AAGAB: variants seen among roughly 807,000 people sequenced by gnomAD.
The protein encoded by AAGAB is alpha- and gamma-adaptin-binding protein p34.
AAGAB carries 38 observed loss-of-function variants against 44.1 expected under a neutral mutation model. The ratio of observed to expected loss-of-function variants is 0.86; its 90% CI spans 0.67 to 1.13. The LOEUF (loss-of-function observed/expected upper bound fraction) is 1.13, where lower values mean the gene tolerates loss of function less well. Ranked by LOEUF, AAGAB falls within the 50% of genes most tolerant of loss-of-function variation. The pLI is 0.00. For synonymous variants in AAGAB, 131 were observed against 131.8 expected, an observed-to-expected ratio of 0.99 and a Z score of 0.04; for missense variants, 450 against 373.8, an observed-to-expected ratio of 1.20 and a Z score of -1.68.
intron 5 of AAGAB, among the ~76,000 whole-genome samples, chr15:67,231,130 C>G (rs969553581): frequency 2.0e-5 from 3 of 152,090 alleles, no homozygotes; most frequent in African/African-American, 7.2e-5. Context: ...GCCTTGACTT[C>G]TTGGGCTCAA....
chr15:67,254,800 C>A (rs1965047905), upstream of AAGAB: 4 of 1,405,688 alleles, frequency 2.8e-6, no homozygotes, highest in East Asian at 2.5e-5. Flanking sequence ...CAGGCCAGGT[C>A]GCGCGCGGTG....
At chr15:67,223,164 T>C (rs935485081) in intron 5 of AAGAB, among the ~76,000 whole-genome samples, 2 of 152,176 alleles carry the variant, frequency 1.3e-5, no homozygotes. Flanking sequence ...CTGGGCTGAG[T>C]CCTTGGTCTT....
intron 4 of AAGAB, among the ~76,000 whole-genome samples, chr15:67,234,940 A>G (rs914236669): frequency 6.6e-6 from 1 of 152,254 alleles, no homozygotes; most frequent in African/African-American, 2.4e-5. Context: ...CAAAGGTAAC[A>G]GCATTTTGGA....
Position 67,202,668 on chromosome 15 carries a change from C to T in AAGAB, c.*153G>A, listed in dbSNP as rs142443316. ...GAGGAAAAAAAAGATTTCTCCTTAACCTCCTACTAAAAACTAAAATTAAGG... is the reference window on the plus strand; with the variant it reads ...GAGGAAAAAAAAGATTTCTCCTTAATCTCCTACTAAAAACTAAAATTAAGG... On this transcript the variant is annotated 3_prime_UTR_variant, in exon 10 of 10. Transcript: ENST00000261880. The T allele has an allele frequency of 3.1e-3, 1,981 of 636,342 alleles. 25 individuals carry two copies. Among genetic ancestry groups the T allele is most frequent in the African/African-American group, 0.029 (1,602 of 54,608 alleles). 39.4% of individuals were successfully genotyped at this position (636,342 alleles called of 1,614,324 possible).
At chr15:67,212,782 TA>T (rs1251818205) in intron 5 of AAGAB, among the ~76,000 whole-genome samples, 8 of 152,228 alleles carry the variant, frequency 5.3e-5, no homozygotes, top group Admixed American at 2.6e-4. Context: ...CTATGGCTTT[TA>T]AAAAAATTCT....
At chr15:67,236,590 T>C (rs1389819138) in intron 2 of AAGAB, 40 bp downstream of exon 2, 6 of 1,601,332 alleles carry the variant, frequency 3.7e-6, no homozygotes, top group Non-Finnish European at 5.1e-6. Context: ...AGGCATGCAA[T>C]AATTTCTTAT....
chr15:67,249,640 A>C (rs1330860867), intron 1 of AAGAB, among the ~76,000 whole-genome samples: 1 of 152,242 alleles, frequency 6.6e-6, no homozygotes, highest in African/African-American at 2.4e-5. Flanking sequence ...CAATGTGAGC[A>C]TATTTTAAAA....
chr15:67,244,595 G>A (rs1380928222), intron 1 of AAGAB, among the ~76,000 whole-genome samples: 2 of 152,068 alleles, frequency 1.3e-5, no homozygotes, highest in Non-Finnish European at 2.9e-5. Context: ...TTGAATCCAG[G>A]AATGTGAGAC....
At chr15:67,253,268 G>T (rs1309616067) in intron 1 of AAGAB, among the ~76,000 whole-genome samples, 4 of 147,654 alleles carry the variant, frequency 2.7e-5, no homozygotes, top group Non-Finnish European at 6.0e-5. Context: ...GACGGGGGGG[G>T]GGGGGGGCAA....
At chr15:67,254,723 G>A (rs1965041697), upstream of AAGAB, 1 of 1,406,830 alleles carries the variant, frequency 7.1e-7, no homozygotes, top group East Asian at 2.5e-5. Context: ...GGCCGGAGAG[G>A]GCGTTCTCGG....
Position 67,202,033 on chromosome 15 carries a change from CAGA to C in AAGAB, c.*785_*787del, listed in dbSNP as rs1301398654. On this transcript the variant is annotated 3_prime_UTR_variant, in exon 10 of 10. Transcript: ENST00000261880. ...CAAGCAGCAGGGGAGAACTCTAAGA[CAGA>C]AGAATTTCTTCATGAAAATCACGGT... The C allele has an allele frequency of 1.3e-5, 2 of 152,312 alleles. No homozygotes were observed. Among genetic ancestry groups the C allele is most frequent in the African/African-American group, 2.4e-5 (1 of 41,434 alleles). The allele number at this position is 152,312 out of a possible 1,614,324, so 9.4% of individuals were successfully genotyped here.
chr15:67,235,906 ATTC>A lies in AAGAB; in HGVS notation c.451+70_451+72del, dbSNP rs1964449429. The A allele has an allele frequency of 1.6e-5, 19 of 1,186,504 alleles. No homozygotes were observed. The South Asian group carries it at 2.7e-4, about 17-fold the overall frequency. The allele number at this position is 1,186,504 out of a possible 1,614,324, so 73.5% of individuals were successfully genotyped here. A position where few individuals can be genotyped will look rare whatever the true frequency, so the allele number is the denominator to read the frequency against. On this transcript the variant is annotated intron_variant, in intron 4 of 9. Coordinates refer to ENST00000261880, the MANE Select transcript of AAGAB (RefSeq NM_024666.5). Reference sequence around the variant, plus strand: ...AAAAAGTTTCTTGAATTTTGCTGTGATTCTTCTTCCCTGAATTAAAATAATCTC... The same window carrying A: ...AAAAAGTTTCTTGAATTTTGCTGTGATTCTTCCCTGAATTAAAATAATCTC...
intron 1 of AAGAB, among the ~76,000 whole-genome samples, chr15:67,246,858 A>T (rs1435955745): frequency 6.6e-6 from 1 of 152,238 alleles, no homozygotes; most frequent in Admixed American, 6.5e-5. Context: ...TGGACCAATC[A>T]GCAGGATGTG....
At chr15:67,221,692 C>G (rs890293480) in intron 5 of AAGAB, among the ~76,000 whole-genome samples, 15 of 152,284 alleles carry the variant, frequency 9.9e-5, no homozygotes, top group East Asian at 3.9e-4. Flanking sequence ...TCCATACCCC[C>G]CTGGGTCTCA....
chr15:67,242,874 C>G (rs7182798), intron 1 of AAGAB: 32,880 of 152,032 alleles, frequency 0.22, 4,216 homozygotes, highest in East Asian at 0.48. Flanking sequence ...ACTGGATTGA[C>G]TTAAAGCAAC....
intron 1 of AAGAB, among the ~76,000 whole-genome samples, chr15:67,243,778 C>T (rs1387865986): frequency 6.6e-6 from 1 of 152,186 alleles, no homozygotes; most frequent in Non-Finnish European, 1.5e-5. Context: ...CTAGTCATTA[C>T]AGTCAGGCAT....
At chr15:67,222,487 C>T (rs1964106318) in intron 5 of AAGAB, among the ~76,000 whole-genome samples, 1 of 151,904 alleles carries the variant, frequency 6.6e-6, no homozygotes, top group Admixed American at 6.6e-5. Context: ...ACATCCTGGC[C>T]TCCTACTTCA....
At position 67,203,585 on chromosome 15, in the gene AAGAB, G is replaced by A. The variant is rs536601770; in HGVS notation, c.833C>T (p.Thr278Met). ...KLKEMKDKAA[T>M]LPHEQRKVHA... The stretch of plus-strand genomic sequence containing the variant: ...CACTTTTCTTTGCTCATGAGGAAGC[G>A]TCGCAGCCTTGTCTAGGGGGAAAAT... The change falls in exon 9 of 10, where the codon ACG becomes ATG. Residue 278 changes from threonine to methionine, a missense_variant. Physicochemically the swap from Thr to Met is moderately conservative, Grantham distance 81. Transcript: ENST00000261880. 102 of 1,613,446 alleles carry A rather than the reference G, an allele frequency of 6.3e-5. No homozygotes were observed. In the Middle Eastern group the frequency reaches 9.9e-4, roughly 16 times the overall value.
chr15:67,211,195 T>C (rs1963811232), intron 5 of AAGAB, among the ~76,000 whole-genome samples: 1 of 152,208 alleles, frequency 6.6e-6, no homozygotes, highest in Non-Finnish European at 1.5e-5. Flanking sequence ...CATATGTAGC[T>C]ATCAACCCAG....
Sources: gnomAD v4.1 joint callset for allele counts (sites outside exome capture counted in the v4.1 genomes callset) on GRCh38, gnomAD v4.1.1 for gene constraint, MANE v1.5 for transcripts, NCBI Gene and HGNC (gene_info 2026-07-23, HGNC 2026-07-21) for gene names.